MAPRE1: variants seen among roughly 807,000 people sequenced by gnomAD.
MAPRE1 encodes the protein microtubule associated protein RP/EB family member 1.
MAPRE1 carries 5 observed loss-of-function variants against 32.1 expected under a neutral mutation model. The observed-to-expected ratio is 0.16, with a 90% confidence interval of 0.08 to 0.33. The LOEUF (loss-of-function observed/expected upper bound fraction) is 0.33. Among genes scored for constraint, MAPRE1 ranks in the 10% least tolerant of loss-of-function variants. The probability of loss-of-function intolerance (pLI) is 1.00; values close to 1 mark genes in which losing one functional copy is unlikely to be tolerated. For missense variants in MAPRE1, 209 were observed against 327.2 expected, an observed-to-expected ratio of 0.64 and a Z score of 2.79; for synonymous variants, 122 against 118.9, an observed-to-expected ratio of 1.03 and a Z score of -0.17.
intron 2 of MAPRE1, among the ~76,000 whole-genome samples, chr20:32,826,559 C>T (rs1279453935): frequency 4.7e-5 from 5 of 105,390 alleles, no homozygotes; most frequent in South Asian, 7.5e-4. Context: ...TGGGGTCTGG[C>T]GCTATTGCCC....
chr20:32,834,590 T>G (rs1292700679), intron 3 of MAPRE1, among the ~76,000 whole-genome samples: 1 of 152,144 alleles, frequency 6.6e-6, no homozygotes, highest in Admixed American at 6.5e-5. Context: ...CCAATTATCT[T>G]GCTGGTGTCT....
intron 4 of MAPRE1, among the ~76,000 whole-genome samples, chr20:32,838,830 G>C (rs1375935760): frequency 6.6e-6 from 1 of 152,178 alleles, no homozygotes; most frequent in Non-Finnish European, 1.5e-5. Flanking sequence ...CAGGCCTTGT[G>C]ATTATAGTTT....
chr20:32,835,019 AT>A (rs1983147844), intron 3 of MAPRE1, among the ~76,000 whole-genome samples: 1 of 152,136 alleles, frequency 6.6e-6, no homozygotes, highest in Non-Finnish European at 1.5e-5. Context: ...ATATTATTGG[AT>A]ATATTCTTTT....
At chr20:32,844,439 C>CTTTTCTT (rs1983447392) in intron 5 of MAPRE1, among the ~76,000 whole-genome samples, 1 of 52,030 alleles carries the variant, frequency 1.9e-5, no homozygotes, top group Non-Finnish European at 3.3e-5. Flanking sequence ...GCTAGCATTC[C>CTTTTCTT]TTTTTTTTTT....
chr20:32,825,905 C>A lies in MAPRE1; in HGVS notation c.-3-20C>A. The A allele has an allele frequency of 1.3e-6, 2 of 1,571,142 alleles. No homozygotes were observed. The highest frequency in any genetic ancestry group is 1.1e-5 in the South Asian group (1 of 87,444). ...TGCCTAATGTAACACAGGCCCTTCT[C>A]TTTTCTTCCCATGCTTTAGAAGATG... On this transcript the variant is annotated intron_variant, in intron 1 of 6. Transcript: ENST00000375571.
In MAPRE1 at chr20:32,824,087, G is replaced by A. The variant is rs12626016; in HGVS notation, c.-3-1838G>A. Among the ~76,000 whole-genome samples the A allele has an allele frequency of 1.8e-4, 27 of 152,210 alleles. No homozygotes were observed. The East Asian group carries it at 5.0e-3, about 28-fold the overall frequency. On this transcript the variant is annotated intron_variant, in intron 1 of 6. Transcript: ENST00000375571. ...CCTCTGACCACATTCCGTAAACCCCGTTGCATAAGTGGTTGGTATGAAATG... is the reference window on the plus strand; with the variant it reads ...CCTCTGACCACATTCCGTAAACCCCATTGCATAAGTGGTTGGTATGAAATG...
intron 4 of MAPRE1, among the ~76,000 whole-genome samples, chr20:32,838,559 T>C (rs1038189838): frequency 1.3e-5 from 2 of 152,202 alleles, no homozygotes; most frequent in Non-Finnish European, 2.9e-5. Context: ...GTTAACTCTG[T>C]ATTTAACCTT....
chr20:32,842,064 T>TTTTA (rs1275437545), intron 5 of MAPRE1, among the ~76,000 whole-genome samples: 16 of 151,820 alleles, frequency 1.1e-4, no homozygotes, highest in African/African-American at 1.9e-4. Flanking sequence ...GTAGCCAACA[T>TTTTA]TTTATTTATT....
Position 32,846,777 on chromosome 20 carries a change from G to GT in MAPRE1, c.750+10dup. The GT allele has an allele frequency of 6.2e-7, 1 of 1,613,878 alleles. No individual in the cohort carries two copies. Among genetic ancestry groups the GT allele is most frequent in the Non-Finnish European group, 8.5e-7 (1 of 1,179,790 alleles). ...CATTCTGTATGCCACAGATGTATGT[G>GT]TTTGACATGAGGATATTTTCTTTCC... is the stretch of plus-strand genomic sequence containing the variant. On this transcript the variant is annotated splice_region_variant and intron_variant, in intron 6 of 6. Transcript: ENST00000375571.
At chr20:32,841,942 G>C (rs1983375220) in intron 5 of MAPRE1, among the ~76,000 whole-genome samples, 1 of 151,786 alleles carries the variant, frequency 6.6e-6, no homozygotes, top group South Asian at 2.1e-4. Flanking sequence ...TGATGATTAT[G>C]GTTCTTGTTC....
chr20:32,831,015 C>A (rs901602499), intron 2 of MAPRE1, among the ~76,000 whole-genome samples: 1 of 152,162 alleles, frequency 6.6e-6, no homozygotes, highest in Non-Finnish European at 1.5e-5. Context: ...TGAGCCACCG[C>A]GCCCAGCCTC....
At chr20:32,842,259 G>A (rs1402910258) in intron 5 of MAPRE1, among the ~76,000 whole-genome samples, 1 of 152,046 alleles carries the variant, frequency 6.6e-6, no homozygotes, top group East Asian at 1.9e-4. Context: ...CTAAGTTTTT[G>A]TATTTTTAGT....
At chr20:32,828,094 A>G (rs989975545) in intron 2 of MAPRE1, among the ~76,000 whole-genome samples, 1 of 152,114 alleles carries the variant, frequency 6.6e-6, no homozygotes, top group African/African-American at 2.4e-5. Context: ...GTGAAGCTGT[A>G]CAGTAACACA....
At chr20:32,822,040 A>G (rs1354864825) in intron 1 of MAPRE1, among the ~76,000 whole-genome samples, 1 of 152,162 alleles carries the variant, frequency 6.6e-6, no homozygotes, top group Non-Finnish European at 1.5e-5. Flanking sequence ...TTGTACATCC[A>G]CAGGGTGCCT....
At chr20:32,822,096 C>T (rs139480229) in intron 1 of MAPRE1, among the ~76,000 whole-genome samples, 1 of 152,082 alleles carries the variant, frequency 6.6e-6, no homozygotes, top group Non-Finnish European at 1.5e-5. Flanking sequence ...CACGTGGGAC[C>T]AGGTATTAAT....
At chr20:32,828,975 C>T (rs1041250478) in intron 2 of MAPRE1, among the ~76,000 whole-genome samples, 2 of 151,698 alleles carry the variant, frequency 1.3e-5, no homozygotes, top group African/African-American at 4.8e-5. Flanking sequence ...GGCTGGAGTG[C>T]AGTGGCGTGA....
At chr20:32,837,798 C>T (rs923409400) in intron 4 of MAPRE1, among the ~76,000 whole-genome samples, 2 of 152,168 alleles carry the variant, frequency 1.3e-5, no homozygotes, top group Non-Finnish European at 2.9e-5. Context: ...AAAAGAAACC[C>T]TGTGCTGGGC....
intron 2 of MAPRE1, among the ~76,000 whole-genome samples, chr20:32,830,272 G>A (rs1241172893): frequency 6.6e-6 from 1 of 152,148 alleles, no homozygotes; most frequent in Non-Finnish European, 1.5e-5. Context: ...TGGCGATCTT[G>A]CTTCTGCTGC....
At chr20:32,829,088 A>AT (rs1982948027) in intron 2 of MAPRE1, among the ~76,000 whole-genome samples, 1 of 151,618 alleles carries the variant, frequency 6.6e-6, no homozygotes, top group Non-Finnish European at 1.5e-5. Context: ...TAATTTTTGT[A>AT]TTTTTACTAG....
Sources: allele counts gnomAD v4.1 joint callset (sites outside exome capture counted in the v4.1 genomes callset), GRCh38; gene constraint gnomAD v4.1.1; transcripts MANE v1.5; gene names NCBI Gene and HGNC (gene_info 2026-07-23, HGNC 2026-07-21).